Variants in BCR observed in about 807,000 individuals in gnomAD.
BCR encodes breakpoint cluster region protein.
A neutral mutation model predicts 138.6 loss-of-function variants in BCR; 58 were observed. That is an observed-to-expected ratio of 0.42 (90% CI 0.34 to 0.52). The LOEUF is 0.52. Among genes scored for constraint, BCR ranks in the 20% least tolerant of loss-of-function variants. The pLI, the probability that BCR is intolerant of heterozygous loss-of-function variation, is 0.06. For synonymous variants in BCR, 786 were observed against 730.1 expected, an observed-to-expected ratio of 1.08 and a Z score of -1.23; for missense variants, 1,599 against 1,727.2, an observed-to-expected ratio of 0.93 and a Z score of 1.32.
intron 16 of BCR, 22 bp from the exon 17 acceptor site, chr22:23,309,402 A>T: frequency 6.3e-7 from 1 of 1,576,282 alleles, no homozygotes; most frequent in Non-Finnish European, 8.6e-7. Flanking sequence ...GGCCTCTGCC[A>T]ATCATGACTC....
intron 1 of BCR, among the ~76,000 whole-genome samples, chr22:23,206,312 C>T (rs1265889221): frequency 3.3e-5 from 5 of 152,158 alleles, no homozygotes; most frequent in Non-Finnish European, 5.9e-5. Context: ...CGGTGGCTCA[C>T]GCCTGTAATC....
chr22:23,299,141 C>T (rs1247352711), intron 16 of BCR, among the ~76,000 whole-genome samples: 1 of 145,638 alleles, frequency 6.9e-6, no homozygotes, highest in Non-Finnish European at 1.6e-5. Context: ...GGACTACAGG[C>T]GCCCGCCACC....
intron 1 of BCR, among the ~76,000 whole-genome samples, chr22:23,226,695 AT>A (rs1750302193): frequency 6.6e-6 from 1 of 152,226 alleles, no homozygotes; most frequent in Admixed American, 6.5e-5. Flanking sequence ...TCATGCTATG[AT>A]GACAAGGTTG....
At chr22:23,221,872 CT>C (rs1484139306) in intron 1 of BCR, among the ~76,000 whole-genome samples, 1 of 152,126 alleles carries the variant, frequency 6.6e-6, no homozygotes, top group Non-Finnish European at 1.5e-5. Flanking sequence ...CAGGCAGAAT[CT>C]GAGGTCAGGA....
At position 23,311,692 on chromosome 22, in the gene BCR, C is replaced by T. The variant is rs373564481; in HGVS notation, c.3183-5C>T. On this transcript the variant is annotated splice_region_variant and splice_polypyrimidine_tract_variant and intron_variant, in intron 18 of 22. Transcript: ENST00000305877. ...GGACACTGAGAACATTCCCTCCTCCCGCAGGAGAGAGAGGTCCAAGGTGCC... is the reference window on the plus strand; with the variant it reads ...GGACACTGAGAACATTCCCTCCTCCTGCAGGAGAGAGAGGTCCAAGGTGCC... The T allele has an allele frequency of 1.8e-5, 28 of 1,596,390 alleles. No individual in the cohort carries two copies. In the Admixed American group the frequency reaches 2.4e-4, roughly 13 times the overall value.
chr22:23,312,659 A>G (rs2074021030), intron 19 of BCR: 1 of 564,864 alleles, frequency 1.8e-6, no homozygotes, highest in Non-Finnish European at 3.2e-6. Context: ...TGGCCATCAC[A>G]TCAGGCCAAG....
At chr22:23,263,577 C>A in intron 4 of BCR, 1 of 1,559,872 alleles carries the variant, frequency 6.4e-7, no homozygotes. Context: ...CTTGAACCGT[C>A]AGCCTCTGGG....
chr22:23,208,673 T>G (rs980803232), intron 1 of BCR, among the ~76,000 whole-genome samples: 14 of 152,006 alleles, frequency 9.2e-5, no homozygotes, highest in African/African-American at 3.4e-4. Context: ...GCCAACGTGG[T>G]GAAACCCCGT....
At chr22:23,296,073 G>T (rs1488619928) in intron 16 of BCR, among the ~76,000 whole-genome samples, 2 of 140,254 alleles carry the variant, frequency 1.4e-5, no homozygotes, top group Non-Finnish European at 1.5e-5. Context: ...AAATCCTCTT[G>T]TGGTTAAATA....
At chr22:23,280,060 G>T (rs1419577638) in intron 8 of BCR, among the ~76,000 whole-genome samples, 2 of 152,024 alleles carry the variant, frequency 1.3e-5, no homozygotes, top group African/African-American at 4.8e-5. Flanking sequence ...GGATTCCACC[G>T]CATGACCTCA....
chr22:23,285,733 C>T (rs1408018778), intron 10 of BCR, among the ~76,000 whole-genome samples: 1 of 152,192 alleles, frequency 6.6e-6, no homozygotes, highest in Non-Finnish European at 1.5e-5. Flanking sequence ...AGAGATTTTA[C>T]CTACAGGTTT....
intron 1 of BCR, among the ~76,000 whole-genome samples, chr22:23,241,660 C>T (rs1030363912): frequency 2.6e-5 from 4 of 152,176 alleles, no homozygotes; most frequent in Non-Finnish European, 4.4e-5. Flanking sequence ...GCTCTTCCTC[C>T]TTTTGCCTTT....
chr22:23,287,946 G>A (rs888549588), intron 11 of BCR, 151 bp from the exon 12 acceptor site: 28 of 713,506 alleles, frequency 3.9e-5, no homozygotes, highest in Admixed American at 2.1e-4. Context: ...AGGGAGTGCC[G>A]GAAGCGACAT....
rs530485580 is a variant in BCR, at chr22:23,313,762, C to T, written c.3458-206C>T. Among the ~76,000 whole-genome samples the T allele has an allele frequency of 7.2e-5, 11 of 152,220 alleles. No individual in the cohort carries two copies. The South Asian group carries it at 1.9e-3, about 26-fold the overall frequency. ...GTTTGCCGGGTGCTGCTGACCCCTG[C>T]GAGGTAGAGAAAAGGCGTTCAGGTG... On this transcript the variant is annotated intron_variant, in intron 20 of 22. Coordinates refer to ENST00000305877, the MANE Select transcript of BCR (RefSeq NM_004327.4).
At chr22:23,257,906 G>A (rs2073312161) in intron 2 of BCR, among the ~76,000 whole-genome samples, 1 of 152,196 alleles carries the variant, frequency 6.6e-6, no homozygotes, top group Non-Finnish European at 1.5e-5. Flanking sequence ...AGGTGTTTAA[G>A]ATCCACTCAT....
At chr22:23,309,919 A>T (rs1055003) in intron 17 of BCR, 2 of 323,622 alleles carry the variant, frequency 6.2e-6, no homozygotes, top group Admixed American at 9.5e-5. Context: ...TGTCTTTCCT[A>T]CTTAATTTTT....
intron 1 of BCR, among the ~76,000 whole-genome samples, chr22:23,196,370 C>G (rs2072481668): frequency 6.6e-6 from 1 of 152,168 alleles, no homozygotes; most frequent in South Asian, 2.1e-4. Context: ...TGGCGAGACT[C>G]TGTGGATGGA....
At chr22:23,271,910 C>T (rs1004813991) in intron 6 of BCR, among the ~76,000 whole-genome samples, 1 of 151,806 alleles carries the variant, frequency 6.6e-6, no homozygotes, top group Admixed American at 6.6e-5. Context: ...ACTGCAACCT[C>T]CACTTCCCGG....
chr22:23,277,400 T>G (rs1050303834), intron 8 of BCR, among the ~76,000 whole-genome samples: 4 of 152,166 alleles, frequency 2.6e-5, no homozygotes, highest in Non-Finnish European at 4.4e-5. Flanking sequence ...TTGGTTCCCT[T>G]CCTCCTCTGT....
Sources: allele counts gnomAD v4.1 joint callset (sites outside exome capture counted in the v4.1 genomes callset), GRCh38; gene constraint gnomAD v4.1.1; transcripts MANE v1.5; gene names NCBI Gene and HGNC (gene_info 2026-07-23, HGNC 2026-07-21).